Variants in SIPA1L1 observed in about 807,000 individuals in gnomAD.
The protein encoded by SIPA1L1 is signal induced proliferation associated 1 like 1.
Under a neutral mutation model 162.7 loss-of-function variants are expected in SIPA1L1, and 26 were observed. The observed-to-expected ratio is 0.16, with a 90% CI of 0.12 to 0.22. The LOEUF is 0.22. Among genes scored for constraint, SIPA1L1 ranks in the 10% least tolerant of loss-of-function variants. SIPA1L1 has a pLI of 1.00. For missense variants in SIPA1L1, 1,874 were observed against 2,241.0 expected, an observed-to-expected ratio of 0.84 and a Z score of 3.31; for synonymous variants, 829 against 837.4, an observed-to-expected ratio of 0.99 and a Z score of 0.17.
intron 2 of SIPA1L1, among the ~76,000 whole-genome samples, chr14:71,438,218 T>C (rs2044553933): frequency 6.6e-6 from 1 of 152,224 alleles, no homozygotes; most frequent in Non-Finnish European, 1.5e-5. Flanking sequence ...AGGTATGCTT[T>C]TTTTTCTCTC....
intron 4 of SIPA1L1, among the ~76,000 whole-genome samples, chr14:71,577,633 C>A (rs1194718572): frequency 1.3e-5 from 2 of 152,014 alleles, no homozygotes; most frequent in African/African-American, 2.4e-5. Flanking sequence ...CCTGCCTTGG[C>A]CTCCCAAAGT....
intron 2 of SIPA1L1, among the ~76,000 whole-genome samples, chr14:71,360,433 G>A (rs2037699163): frequency 6.6e-6 from 1 of 152,160 alleles, no homozygotes; most frequent in Non-Finnish European, 1.5e-5. Flanking sequence ...CTATCACACA[G>A]CTAGTTAACG....
At position 71,650,564 on chromosome 14, in the gene SIPA1L1, G is replaced by A. The variant is rs758372325; in HGVS notation, c.1993+55G>A. 4.7e-4 allele frequency: 714 copies of A among 1,520,220 alleles called. 2 individuals carry two copies. Among genetic ancestry groups the A allele is most frequent in the Non-Finnish European group, 5.9e-4 (648 of 1,098,958 alleles). The allele number at this position is 1,520,220 out of a possible 1,614,324, so 94.2% of individuals were successfully genotyped here. ...CTTATTTTCCCCCTGTTGTGCTGTT[G>A]TGCATCTGCTAAATTATCCGTAAAG... On this transcript the variant is annotated intron_variant, in intron 8 of 23. Transcript: ENST00000381232.
intron 2 of SIPA1L1, among the ~76,000 whole-genome samples, chr14:71,438,154 C>G (rs897347518): frequency 4.6e-5 from 7 of 152,116 alleles, no homozygotes; most frequent in African/African-American, 1.7e-4. Context: ...CAAAACAAAA[C>G]AAAACAAAAC....
At chr14:71,391,519 T>G (rs1473844110) in intron 2 of SIPA1L1, among the ~76,000 whole-genome samples, 5 of 152,232 alleles carry the variant, frequency 3.3e-5, no homozygotes, top group African/African-American at 9.6e-5. Context: ...TAAATGCTGC[T>G]TATGAGAACA....
intron 2 of SIPA1L1, among the ~76,000 whole-genome samples, chr14:71,438,016 C>A (rs1016243781): frequency 6.6e-6 from 1 of 152,136 alleles, no homozygotes; most frequent in East Asian, 1.9e-4. Context: ...TACCTTCTGT[C>A]ACCCTTGTTA....
At chr14:71,430,871 T>C (rs2140949024) in intron 2 of SIPA1L1, among the ~76,000 whole-genome samples, 1 of 152,306 alleles carries the variant, frequency 6.6e-6, no homozygotes, top group South Asian at 2.1e-4. Context: ...CTTTTCTAGT[T>C]CATCCTTAAA....
At chr14:71,628,445 A>G (rs928976981) in intron 7 of SIPA1L1, among the ~76,000 whole-genome samples, 2 of 152,220 alleles carry the variant, frequency 1.3e-5, no homozygotes, top group South Asian at 2.1e-4. Context: ...TACATACATT[A>G]TCTCATTTAA....
At chr14:71,650,894 C>A (rs1315081311) in intron 8 of SIPA1L1, among the ~76,000 whole-genome samples, 1 of 152,114 alleles carries the variant, frequency 6.6e-6, no homozygotes, top group Admixed American at 6.5e-5. Flanking sequence ...TAATTCATTT[C>A]ATAGTCTTCA....
chr14:71,657,672 GTCT>G (rs1298966258), intron 8 of SIPA1L1, among the ~76,000 whole-genome samples: 10 of 119,014 alleles, frequency 8.4e-5, no homozygotes, highest in Non-Finnish European at 1.3e-4. Flanking sequence ...TTAAATTATT[GTCT>G]TTTTTTTTTT....
At chr14:71,463,842 G>A (rs2046786997) in intron 2 of SIPA1L1, among the ~76,000 whole-genome samples, 1 of 152,156 alleles carries the variant, frequency 6.6e-6, no homozygotes, top group Admixed American at 6.5e-5. Flanking sequence ...TGATTAATTA[G>A]CAAATGCCAG....
intron 13 of SIPA1L1, among the ~76,000 whole-genome samples, chr14:71,697,674 T>C (rs565944747): frequency 3.3e-5 from 5 of 152,316 alleles, no homozygotes; most frequent in Non-Finnish European, 7.4e-5. Flanking sequence ...ATCTGCCTCT[T>C]GGGCATGGAT....
At chr14:71,495,153 A>C (rs1034522368) in intron 2 of SIPA1L1, among the ~76,000 whole-genome samples, 2 of 152,112 alleles carry the variant, frequency 1.3e-5, no homozygotes, top group Non-Finnish European at 2.9e-5. Flanking sequence ...ATGAGCTGGG[A>C]AGTGTTGTCT....
At position 71,724,927 on chromosome 14, in the gene SIPA1L1, G is replaced by T. The variant is rs370929013; in HGVS notation, c.4614+92G>T. On this transcript the variant is annotated intron_variant, in intron 19 of 23. Transcript: ENST00000381232. ...TAGTCACACTTTCCAGAAAGTGTTGGTTACTGGCTGCTCTTCACTAAGTCT... is the reference window on the plus strand; with the variant it reads ...TAGTCACACTTTCCAGAAAGTGTTGTTTACTGGCTGCTCTTCACTAAGTCT... 9 of 1,130,702 alleles carry T rather than the reference G, an allele frequency of 8.0e-6. No individual in the cohort carries two copies. The East Asian group carries it at 9.9e-5, about 12-fold the overall frequency. The allele number at this position is 1,130,702 out of a possible 1,614,324, so 70.0% of individuals were successfully genotyped here.
chr14:71,512,804 A>G lies in SIPA1L1; in HGVS notation c.-403A>G, dbSNP rs1010297969. On this transcript the variant is annotated 5_prime_UTR_variant, in exon 3 of 24. Coordinates refer to ENST00000381232, the MANE Select transcript of SIPA1L1 (RefSeq NM_001386936.1). Reference sequence around the variant, plus strand: ...GCACCTTTTAAAGGTCTGATCATCAATTGTCTCTCTGGGCGGCCACCTATG... The same window carrying G: ...GCACCTTTTAAAGGTCTGATCATCAGTTGTCTCTCTGGGCGGCCACCTATG... 37 of 152,474 alleles carry G rather than the reference A, an allele frequency of 2.4e-4. No homozygotes were observed. Among genetic ancestry groups the G allele is most frequent in the African/African-American group, 8.0e-4 (33 of 41,440 alleles). 9.4% of individuals were successfully genotyped at this position (152,474 alleles called of 1,614,324 possible). A position where few individuals can be genotyped will look rare whatever the true frequency, so the allele number is the denominator to read the frequency against.
chr14:71,336,750 GT>G (rs2035136106), intron 2 of SIPA1L1, among the ~76,000 whole-genome samples: 1 of 152,164 alleles, frequency 6.6e-6, no homozygotes, highest in Non-Finnish European at 1.5e-5. Flanking sequence ...TTGCGTAATT[GT>G]TTTACCGCAC....
At chr14:71,439,874 G>A (rs2044696167) in intron 2 of SIPA1L1, among the ~76,000 whole-genome samples, 1 of 152,178 alleles carries the variant, frequency 6.6e-6, no homozygotes, top group African/African-American at 2.4e-5. Context: ...GAACAACCAT[G>A]AGATGTTGAA....
intron 2 of SIPA1L1, among the ~76,000 whole-genome samples, chr14:71,505,153 A>G (rs1239137513): frequency 6.6e-6 from 1 of 152,162 alleles, no homozygotes; most frequent in African/African-American, 2.4e-5. Flanking sequence ...TTTCCAAACT[A>G]TCACCGTTCT....
intron 2 of SIPA1L1, among the ~76,000 whole-genome samples, chr14:71,376,733 C>T (rs1473861182): frequency 6.6e-6 from 1 of 151,886 alleles, no homozygotes; most frequent in East Asian, 1.9e-4. Context: ...TGTTTGTGTC[C>T]CTGGGTACTT....
Sources: allele counts gnomAD v4.1 joint callset (sites outside exome capture counted in the v4.1 genomes callset), GRCh38; gene constraint gnomAD v4.1.1; transcripts MANE v1.5; gene names NCBI Gene and HGNC (gene_info 2026-07-23, HGNC 2026-07-21).